KCNH8: variants seen among roughly 807,000 people sequenced by gnomAD.
KCNH8 encodes voltage-gated delayed rectifier potassium channel KCNH8.
KCNH8 carries 70 observed loss-of-function variants against 103.6 expected under a neutral mutation model. That is an observed-to-expected ratio of 0.68 (90% CI 0.56 to 0.82). The LOEUF is 0.82. Ranked by LOEUF, KCNH8 falls within the 40% of genes least tolerant of loss-of-function variation. The pLI is 0.00. For synonymous variants in KCNH8, 498 were observed against 489.4 expected, an observed-to-expected ratio of 1.02 and a Z score of -0.23; for missense variants, 1,217 against 1,329.9, an observed-to-expected ratio of 0.92 and a Z score of 1.32.
chr3:19,490,214 G>A (rs1334184988), intron 11 of KCNH8, among the ~76,000 whole-genome samples: 1 of 152,168 alleles, frequency 6.6e-6, no homozygotes, highest in Non-Finnish European at 1.5e-5. Flanking sequence ...CCTGCTTCCT[G>A]GTCAGGAAAC....
intron 5 of KCNH8, among the ~76,000 whole-genome samples, chr3:19,354,962 A>G (rs1022249511): frequency 1.3e-5 from 2 of 152,226 alleles, no homozygotes; most frequent in African/African-American, 4.8e-5. Context: ...GAATGGGAGA[A>G]AGTTTTTACA....
chr3:19,225,806 A>G (rs1307362044), intron 1 of KCNH8, among the ~76,000 whole-genome samples: 1 of 152,190 alleles, frequency 6.6e-6, no homozygotes, highest in African/African-American at 2.4e-5. Context: ...TATGTCCACA[A>G]TATGGACCTA....
At chr3:19,315,281 G>T (rs984483527) in intron 3 of KCNH8, among the ~76,000 whole-genome samples, 6 of 151,940 alleles carry the variant, frequency 3.9e-5, no homozygotes, top group African/African-American at 1.4e-4. Flanking sequence ...CTATGCAGGT[G>T]GTCCAAGGAT....
At chr3:19,332,375 G>T (rs2065522762) in intron 3 of KCNH8, among the ~76,000 whole-genome samples, 1 of 152,016 alleles carries the variant, frequency 6.6e-6, no homozygotes, top group African/African-American at 2.4e-5. Context: ...TTTTCCACTG[G>T]ACATAATGCC....
chr3:19,517,912 A>G, intron 14 of KCNH8, 86 bp from the exon 15 acceptor site: 1 of 1,045,062 alleles, frequency 9.6e-7, no homozygotes. Context: ...GATAGCGTGG[A>G]CTTTCTTTCA....
chr3:19,504,540 C>CA (rs925890621), intron 11 of KCNH8, among the ~76,000 whole-genome samples: 1 of 151,736 alleles, frequency 6.6e-6, no homozygotes, highest in African/African-American at 2.4e-5. Context: ...AGACACTTTT[C>CA]AAAAAAAGAC....
At chr3:19,154,617 G>C (rs886866351) in intron 1 of KCNH8, among the ~76,000 whole-genome samples, 3 of 152,170 alleles carry the variant, frequency 2.0e-5, no homozygotes, top group Non-Finnish European at 4.4e-5. Context: ...CAGTGAAGTT[G>C]ATGTGTTCAT....
At chr3:19,465,638 C>T (rs57575850) in intron 11 of KCNH8, among the ~76,000 whole-genome samples, 10,825 of 151,098 alleles carry the variant, frequency 0.072, 782 homozygotes, top group East Asian at 0.23. Flanking sequence ...CTTTGATGGA[C>T]CTGGATGAAT....
intron 1 of KCNH8, among the ~76,000 whole-genome samples, chr3:19,235,477 G>A (rs533141734): frequency 1.3e-5 from 2 of 152,194 alleles, no homozygotes; most frequent in Admixed American, 1.3e-4. Flanking sequence ...CTAAAATTGA[G>A]GAAGCAATGT....
At chr3:19,225,152 T>C (rs1285991084) in intron 1 of KCNH8, among the ~76,000 whole-genome samples, 1 of 151,950 alleles carries the variant, frequency 6.6e-6, no homozygotes, top group African/African-American at 2.4e-5. Context: ...ATACCTGAAA[T>C]CGAATGGTAA....
intron 5 of KCNH8, among the ~76,000 whole-genome samples, chr3:19,364,466 G>C (rs942582133): frequency 6.6e-6 from 1 of 152,086 alleles, no homozygotes; most frequent in African/African-American, 2.4e-5. Flanking sequence ...TTATTAAATG[G>C]AATGTATTAT....
intron 2 of KCNH8, among the ~76,000 whole-genome samples, chr3:19,260,486 G>GGA (rs1491383263): frequency 7.6e-5 from 3 of 39,640 alleles, no homozygotes; most frequent in Non-Finnish European, 1.5e-4. Flanking sequence ...TTACTCTATA[G>GGA]GATATATATA....
chr3:19,175,638 T>A (rs78127092), intron 1 of KCNH8, among the ~76,000 whole-genome samples: 9,454 of 152,282 alleles, frequency 0.062, 1,026 homozygotes, highest in African/African-American at 0.21. Flanking sequence ...TTATGATTAT[T>A]TTTCCTATAA....
Position 19,171,961 on chromosome 3 carries a change from A to G in KCNH8, c.76+23166A>G, listed in dbSNP as rs542465841. Among the ~76,000 whole-genome samples the G allele has an allele frequency of 2.6e-5, 4 of 152,268 alleles. No homozygotes were observed. In the South Asian group the frequency reaches 6.2e-4, roughly 24 times the overall value. On this transcript the variant is annotated intron_variant, in intron 1 of 15. Transcript: ENST00000328405. ...TGCACTCATTGTGTGACAATGGGGT[A>G]ATCTCATCTGAGTATAGTGATTCCC... is the stretch of plus-strand genomic sequence containing the variant.
At chr3:19,491,589 C>T (rs571274736) in intron 11 of KCNH8, among the ~76,000 whole-genome samples, 20 of 152,290 alleles carry the variant, frequency 1.3e-4, no homozygotes, top group African/African-American at 4.6e-4. Flanking sequence ...CAATCCACCA[C>T]TGACGGTCAC....
chr3:19,465,507 C>A (rs1352235163), intron 11 of KCNH8, among the ~76,000 whole-genome samples: 1 of 152,100 alleles, frequency 6.6e-6, no homozygotes, highest in Admixed American at 6.5e-5. Flanking sequence ...TAATGCAGTT[C>A]TCATGCCTGC....
intron 1 of KCNH8, among the ~76,000 whole-genome samples, chr3:19,171,500 G>C (rs949270245): frequency 2.6e-5 from 4 of 152,074 alleles, no homozygotes; most frequent in African/African-American, 9.7e-5. Context: ...TTTAAGGGTT[G>C]ATGAACATGG....
chr3:19,453,669 T>C (rs1000492756), intron 10 of KCNH8, among the ~76,000 whole-genome samples: 2 of 152,184 alleles, frequency 1.3e-5, no homozygotes, highest in Non-Finnish European at 2.9e-5. Context: ...TGAATGGGAT[T>C]CGTGTCTTTA....
chr3:19,259,828 A>T (rs765919708), intron 2 of KCNH8, among the ~76,000 whole-genome samples: 2 of 151,618 alleles, frequency 1.3e-5, no homozygotes, highest in Non-Finnish European at 2.9e-5. Context: ...AAAATAATTT[A>T]TTTATAATTA....
Sources: allele counts gnomAD v4.1 joint callset (sites outside exome capture counted in the v4.1 genomes callset), GRCh38; gene constraint gnomAD v4.1.1; transcripts MANE v1.5; gene names NCBI Gene and HGNC (gene_info 2026-07-23, HGNC 2026-07-21).